Variants in CCDC69 observed in about 807,000 individuals in gnomAD.
The protein encoded by CCDC69 is coiled-coil domain containing 69.
A neutral mutation model predicts 40.3 loss-of-function variants in CCDC69; 38 were observed. That is an observed-to-expected ratio of 0.94 (90% CI 0.73 to 1.24). CCDC69 has a LOEUF of 1.24. CCDC69 is among the 50% of genes most tolerant of loss of function. The pLI, the probability that CCDC69 is intolerant of heterozygous loss-of-function variation, is 0.00. For synonymous variants in CCDC69, 141 were observed against 138.9 expected (o/e 1.02, Z -0.11); for missense variants, 389 against 357.9 (o/e 1.09, Z -0.70).
intron 1 of CCDC69, chr5:151,215,520 T>A (rs1753024235): frequency 3.6e-6 from 1 of 281,660 alleles, no homozygotes; most frequent in Admixed American, 4.0e-5. Context: ...AGAGGCAGTT[T>A]GACACACTCA....
intron 1 of CCDC69, among the ~76,000 whole-genome samples, chr5:151,208,507 G>A (rs1440706682): frequency 4.6e-5 from 7 of 152,162 alleles, no homozygotes; most frequent in African/African-American, 9.6e-5. Context: ...CCAGGTCCTC[G>A]TGCCCCAAAT....
chr5:151,220,758 G>T (rs956019877), intron 1 of CCDC69, among the ~76,000 whole-genome samples: 1 of 151,412 alleles, frequency 6.6e-6, no homozygotes, highest in African/African-American at 2.4e-5. Flanking sequence ...ACACAAAGGG[G>T]GTTGGCCACG....
At chr5:151,192,218 G>C (rs745429131) in intron 4 of CCDC69, among the ~76,000 whole-genome samples, 1 of 150,256 alleles carries the variant, frequency 6.7e-6, no homozygotes, top group Admixed American at 6.6e-5. Context: ...TAAAATAAGG[G>C]GGGTGGGTGG....
chr5:151,205,272 C>A, intron 2 of CCDC69, 128 bp downstream of exon 2: 3 of 789,778 alleles, frequency 3.8e-6, no homozygotes, highest in Non-Finnish European at 6.5e-6. Flanking sequence ...ATTTTAGACA[C>A]GATACTCCTA....
At chr5:151,218,547 C>A (rs1753085803) in intron 1 of CCDC69, among the ~76,000 whole-genome samples, 1 of 152,214 alleles carries the variant, frequency 6.6e-6, no homozygotes, top group Non-Finnish European at 1.5e-5. Flanking sequence ...GAATTTCATA[C>A]TGAGACCCCT....
At position 151,183,107 on chromosome 5, in the gene CCDC69, C is replaced by T; in HGVS notation, c.*330G>A. 2.0e-6 allele frequency: 1 copy of T among 506,916 alleles called. No homozygotes were observed. The highest frequency in any genetic ancestry group is 1.5e-5 in the South Asian group (1 of 65,002). 31.4% of individuals were successfully genotyped at this position (506,916 alleles called of 1,614,324 possible). On this transcript the variant is annotated 3_prime_UTR_variant, in exon 9 of 9. Coordinates refer to ENST00000355417, the MANE Select transcript of CCDC69 (RefSeq NM_015621.3). ...GGACCAGGGGCTGTCTCCTTTATGT[C>T]AAATGGCCAGCGTGACACAGACTGC...
At chr5:151,208,529 C>T (rs2113998163) in intron 1 of CCDC69, among the ~76,000 whole-genome samples, 1 of 152,282 alleles carries the variant, frequency 6.6e-6, no homozygotes, top group Non-Finnish European at 1.5e-5. Flanking sequence ...TGCTGAGTGG[C>T]TGGGCAGACC....
intron 3 of CCDC69, among the ~76,000 whole-genome samples, chr5:151,200,832 GA>G (rs1182787222): frequency 6.6e-6 from 1 of 152,194 alleles, no homozygotes; most frequent in African/African-American, 2.4e-5. Context: ...TCCCTTTAGA[GA>G]AGCCTTCTCT....
chr5:151,206,693 C>T (rs993504288), intron 1 of CCDC69, among the ~76,000 whole-genome samples: 5 of 151,236 alleles, frequency 3.3e-5, no homozygotes, highest in Admixed American at 6.6e-5. Flanking sequence ...TACAGTGGCA[C>T]GATCTCGGCT....
intron 1 of CCDC69, among the ~76,000 whole-genome samples, chr5:151,221,715 C>T (rs189710009): frequency 7.4e-4 from 112 of 152,368 alleles, no homozygotes; most frequent in Non-Finnish European, 1.2e-3. Context: ...TTCTGTGAGA[C>T]TGGGCGGGAT....
Position 151,184,289 on chromosome 5 carries a change from G to A in CCDC69, c.713+55C>T, listed in dbSNP as rs1582037381. On this transcript the variant is annotated intron_variant, in intron 8 of 8. Coordinates refer to ENST00000355417, the MANE Select transcript of CCDC69 (RefSeq NM_015621.3). ...GGCCCCTCTAAGACTCTCCCAGCTGGGAATTTTGGCAAAAAGGGTGGGGAT... is the reference window on the plus strand; with the variant it reads ...GGCCCCTCTAAGACTCTCCCAGCTGAGAATTTTGGCAAAAAGGGTGGGGAT... 52 of 1,361,942 alleles carry A rather than the reference G, an allele frequency of 3.8e-5. No homozygotes were observed. The East Asian group carries it at 1.1e-3, about 29-fold the overall frequency. 84.4% of individuals were successfully genotyped at this position (1,361,942 alleles called of 1,614,324 possible). A position where few individuals can be genotyped will look rare whatever the true frequency, so the allele number is the denominator to read the frequency against.
chr5:151,218,014 G>A (rs1753074552), intron 1 of CCDC69, among the ~76,000 whole-genome samples: 1 of 152,152 alleles, frequency 6.6e-6, no homozygotes. Context: ...GCAGAGAGGA[G>A]GAAATCTGGA....
intron 2 of CCDC69, among the ~76,000 whole-genome samples, chr5:151,203,616 T>TAAA (rs1752807479): frequency 7.6e-6 from 1 of 131,298 alleles, no homozygotes; most frequent in African/African-American, 3.5e-5. Context: ...ATATATATAT[T>TAAA]TAGTTATATA....
At chr5:151,223,860 C>T in intron 1 of CCDC69, 63 bp downstream of exon 1, 3 of 1,522,728 alleles carry the variant, frequency 2.0e-6, no homozygotes, top group South Asian at 1.1e-5. Context: ...GAGTCCTCTG[C>T]GGCGGAGCGA....
intron 1 of CCDC69, among the ~76,000 whole-genome samples, chr5:151,207,652 T>C (rs1363755960): frequency 6.6e-6 from 1 of 152,100 alleles, no homozygotes. Flanking sequence ...TCTTCCAAAA[T>C]ATAGTAAGGA....
At position 151,186,059 on chromosome 5, in the gene CCDC69, C is replaced by T; in HGVS notation, c.459G>A (p.Glu153=). The T allele has an allele frequency of 6.2e-7, 1 of 1,614,046 alleles. No homozygotes were observed. Among genetic ancestry groups the T allele is most frequent in the Non-Finnish European group, 8.5e-7 (1 of 1,179,974 alleles). The part of the protein sequence containing the change: ...AFQAKMKRVE[E]SILSRNYKKH... ...TCTTATAGTTTCGGCTCAGAATGGA[C>T]TCCTCCACCCTCTTCATTTTGGCCT... Residue 153 remains glutamate (E), a synonymous_variant, in exon 6 of 9, where the codon GAG becomes GAA. Transcript: ENST00000355417.
At chr5:151,211,674 C>T (rs913452053) in intron 1 of CCDC69, among the ~76,000 whole-genome samples, 1 of 152,060 alleles carries the variant, frequency 6.6e-6, no homozygotes, top group Non-Finnish European at 1.5e-5. Flanking sequence ...CAGGCACATA[C>T]CACCACACCA....
chr5:151,184,162 G>C (rs1267850237), intron 8 of CCDC69, among the ~76,000 whole-genome samples, 182 bp downstream of exon 8: 2 of 152,198 alleles, frequency 1.3e-5, no homozygotes, highest in African/African-American at 4.8e-5. Flanking sequence ...TTGGGACTTT[G>C]GTTTCTGAGC....
intron 2 of CCDC69, among the ~76,000 whole-genome samples, chr5:151,204,238 T>C (rs1374170605): frequency 6.6e-6 from 1 of 152,158 alleles, no homozygotes; most frequent in Non-Finnish European, 1.5e-5. Flanking sequence ...TTTCACCATA[T>C]TGCCCAGTCT....
Sources: gnomAD v4.1 joint callset for allele counts (sites outside exome capture counted in the v4.1 genomes callset) on GRCh38, gnomAD v4.1.1 for gene constraint, MANE v1.5 for transcripts, NCBI Gene and HGNC (gene_info 2026-07-23, HGNC 2026-07-21) for gene names.